KCNK12: variants seen among roughly 807,000 people sequenced by gnomAD.
KCNK12 encodes the protein potassium channel subfamily K member 12.
In KCNK12, 6 loss-of-function variants were observed where a neutral mutation model predicts 25.3. The ratio of observed to expected loss-of-function variants is 0.24; its 90% CI spans 0.13 to 0.47. The LOEUF (loss-of-function observed/expected upper bound fraction) is 0.47, where lower values mean the gene tolerates loss of function less well. Ranked by LOEUF, KCNK12 falls within the 20% of genes least tolerant of loss-of-function variation. The pLI is 0.99. For missense variants in KCNK12, 444 were observed against 661.7 expected (o/e 0.67, Z 3.61); for synonymous variants, 331 against 311.1 (o/e 1.06, Z -0.67).
chr2:47,516,062 G>C lies in KCNK12; in HGVS notation c.*4845C>G, dbSNP rs1668516959. ...GATGGTATCATCATCCCACTTTAGA[G>C]ATGAGGAAACAGGATCAGAGTGAGC... On this transcript the variant is annotated 3_prime_UTR_variant, in exon 2 of 2. Coordinates refer to ENST00000327876, the MANE Select transcript of KCNK12 (RefSeq NM_022055.2). 1.3e-5 allele frequency among the ~76,000 whole-genome samples: 2 copies of C among 152,186 alleles called. No individual in the cohort carries two copies. Among genetic ancestry groups the C allele is most frequent in the Non-Finnish European group, 2.9e-5 (2 of 68,038 alleles).
intron 1 of KCNK12, chr2:47,543,871 C>A (rs996049318): frequency 2.6e-5 from 4 of 152,212 alleles, no homozygotes; most frequent in African/African-American, 9.7e-5. Flanking sequence ...GAGACATCGC[C>A]CACCCAGCTT....
chr2:47,557,242 GTCA>G lies in KCNK12; in HGVS notation c.391+12696_391+12698del, dbSNP rs1669568871. The stretch of plus-strand genomic sequence containing the variant: ...GTTCTGTTCTCATGAATGGATTAAT[GTCA>G]TCATCACTGGAGTGGGTTGGTTATT... On this transcript the variant is annotated intron_variant, in intron 1 of 1. Coordinates refer to ENST00000327876, the MANE Select transcript of KCNK12 (RefSeq NM_022055.2). This position sits in a 1 kb window ranked among gnomAD's most constrained non-coding sequence, Gnocchi z 4.9. Among the ~76,000 whole-genome samples, 1 of 152,294 alleles carries G rather than the reference GTCA, an allele frequency of 6.6e-6. No individual in the cohort carries two copies. The highest frequency in any genetic ancestry group is 1.9e-4 in the East Asian group (1 of 5,182).
rs1199953415 is a variant in KCNK12, at chr2:47,560,636, G to A, written c.391+9305C>T. Among the ~76,000 whole-genome samples, 2 of 152,208 alleles carry A rather than the reference G, an allele frequency of 1.3e-5. No homozygotes were observed. Among genetic ancestry groups the A allele is most frequent in the Non-Finnish European group, 2.9e-5 (2 of 68,040 alleles). On this transcript the variant is annotated intron_variant, in intron 1 of 1. Coordinates refer to ENST00000327876, the MANE Select transcript of KCNK12 (RefSeq NM_022055.2). This position sits in a 1 kb window ranked among gnomAD's most constrained non-coding sequence, Gnocchi z 4.7. Reference sequence around the variant, plus strand: ...GCCAAGAAAGTTGCTTAACCTCTCTGAGCCTGTCATCTGTGAAATGGGATA... The same window carrying A: ...GCCAAGAAAGTTGCTTAACCTCTCTAAGCCTGTCATCTGTGAAATGGGATA...
rs114732432 is a variant in KCNK12 at position 47,534,048 on chromosome 2, C to T, written c.392-12240G>A. The stretch of plus-strand genomic sequence containing the variant: ...CATTTGATGACAACAAGATGGGAGG[C>T]GGGGACAGCTGAGGTGGCAGGAGTA... On this transcript the variant is annotated intron_variant, in intron 1 of 1. Transcript: ENST00000327876. 5.7e-3 allele frequency among the ~76,000 whole-genome samples: 868 copies of T among 151,900 alleles called. 11 individuals carry two copies. Among genetic ancestry groups the T allele is most frequent in the African/African-American group, 0.02 (825 of 41,370 alleles).
At chr2:47,537,384 G>C (rs1177811092) in intron 1 of KCNK12, among the ~76,000 whole-genome samples, 1 of 151,366 alleles carries the variant, frequency 6.6e-6, no homozygotes, top group Non-Finnish European at 1.5e-5. Context: ...AGGCTGGAGT[G>C]CACTGGCGCG....
chr2:47,530,990 G>A lies in KCNK12; in HGVS notation c.392-9182C>T, dbSNP rs139129321. Among the ~76,000 whole-genome samples the A allele has an allele frequency of 6.4e-3, 972 of 152,316 alleles. 5 individuals carry two copies. Among genetic ancestry groups the A allele is most frequent in the Middle Eastern group, 0.044 (13 of 294 alleles). On this transcript the variant is annotated intron_variant, in intron 1 of 1. Coordinates refer to ENST00000327876, the MANE Select transcript of KCNK12 (RefSeq NM_022055.2). Reference sequence around the variant, plus strand: ...GTACAAGAGTTTGGAAGAAGGAGAGGTAGGTTGCTTTTGGCAAGAGCAGCA... The same window carrying A: ...GTACAAGAGTTTGGAAGAAGGAGAGATAGGTTGCTTTTGGCAAGAGCAGCA...
In KCNK12 at chr2:47,509,311, T is replaced by A. The variant is rs1668342688; in HGVS notation, c.*11596A>T. On this transcript the variant is annotated 3_prime_UTR_variant, in exon 2 of 2. Coordinates refer to ENST00000327876, the MANE Select transcript of KCNK12 (RefSeq NM_022055.2). ...AACATTGAGCACTGAGTGAAAAAGT[T>A]TTATTGCCAAACAGGAAACCTGATT... Among the ~76,000 whole-genome samples, 1 of 152,200 alleles carries A rather than the reference T, an allele frequency of 6.6e-6. No individual in the cohort carries two copies. The highest frequency in any genetic ancestry group is 6.5e-5 in the Admixed American group (1 of 15,286).
intron 1 of KCNK12, among the ~76,000 whole-genome samples, chr2:47,541,503 G>C (rs1187304177): frequency 6.6e-6 from 1 of 152,188 alleles, no homozygotes; most frequent in Non-Finnish European, 1.5e-5. Flanking sequence ...AAGGCAGGGA[G>C]ATGGTCTCGG....
chr2:47,558,704 A>T (rs919273772), intron 1 of KCNK12, among the ~76,000 whole-genome samples: 1 of 152,222 alleles, frequency 6.6e-6, no homozygotes, highest in African/African-American at 2.4e-5. Context: ...GAGAGGAGTC[A>T]CGCGGAGTGC....
At position 47,548,984 on chromosome 2, in the gene KCNK12, G is replaced by T. The variant is rs1018039016; in HGVS notation, c.391+20957C>A. 4.6e-5 allele frequency among the ~76,000 whole-genome samples: 7 copies of T among 152,204 alleles called. No individual in the cohort carries two copies. The highest frequency in any genetic ancestry group is 8.8e-5 in the Non-Finnish European group (6 of 68,024). ...GAAAAAGGACTCCAGAAATCTACTA[G>T]GGGTCCCTCTTTGTTACTCGCAAAG... On this transcript the variant is annotated intron_variant, in intron 1 of 1. Coordinates refer to ENST00000327876, the MANE Select transcript of KCNK12 (RefSeq NM_022055.2). The surrounding 1 kb of genome is among the most constrained non-coding windows in gnomAD (Gnocchi z 4.4).
rs892994135 is a variant in KCNK12, at chr2:47,570,285, C to T, written c.47G>A (p.Arg16His). Residue 16 changes from arginine (R) to histidine (H), a missense_variant, in exon 1 of 2, where the codon CGC (arginine) becomes CAC (histidine). By Grantham distance (29) the Arg-to-His change is conservative (BLOSUM62 0). Transcript: ENST00000327876. ...PRPPPRRSRR[R>H]LPRPSCCCCC... ...GCAGCAGCAGGAGGGGCGCGGCAGG[C>T]GGCGGCGGCTACGGCGGGGCGGGGG... 1.0e-5 allele frequency: 14 copies of T among 1,368,170 alleles called. No individual in the cohort carries two copies. Among genetic ancestry groups the T allele is most frequent in the South Asian group, 1.6e-5 (1 of 61,340 alleles). 84.8% of individuals were successfully genotyped at this position (1,368,170 alleles called of 1,614,324 possible). A position where few individuals can be genotyped will look rare whatever the true frequency, so the allele number is the denominator to read the frequency against.
In KCNK12 at chr2:47,521,157, A is replaced by G. The variant is rs2104720706; in HGVS notation, c.1043T>C (p.Leu348Pro). 2 of 1,290,908 alleles carry G rather than the reference A, an allele frequency of 1.5e-6. No individual in the cohort carries two copies. Among genetic ancestry groups the G allele is most frequent in the Non-Finnish European group, 2.0e-6 (2 of 1,023,272 alleles). The allele number at this position is 1,290,908 out of a possible 1,614,324, so 80.0% of individuals were successfully genotyped here. Residue 348 changes from leucine (L) to proline (P), a missense_variant, in exon 2 of 2, where the codon CTC (leucine) becomes CCC (proline). Around this residue, in one of 8 missense-constraint regions of KCNK12, gnomAD observed 69 missense variants for 81.7 expected, o/e 0.84. Coordinates refer to ENST00000327876, the MANE Select transcript of KCNK12 (RefSeq NM_022055.2). The part of the protein sequence containing the change: ...GSRLRRRLAA[L>P]GADPAARDSD... Reference sequence around the variant, plus strand: ...GTCGCGGGCCGCGGGGTCGGCACCGAGCGCGGCCAGGCGGCGGCGCAGCCG... The same window carrying G: ...GTCGCGGGCCGCGGGGTCGGCACCGGGCGCGGCCAGGCGGCGGCGCAGCCG...
rs1393883501 is a variant in KCNK12 at position 47,519,678 on chromosome 2, ACCT to A, written c.*1226_*1228del. On this transcript the variant is annotated 3_prime_UTR_variant, in exon 2 of 2. Transcript: ENST00000327876. ...CTTCCATCCACCAGTTTCACCAGCT[ACCT>A]CCCTCCTGCCTTCCTCTGCCTCCAA... 3 of 152,178 alleles carry A rather than the reference ACCT, an allele frequency of 2.0e-5. No individual in the cohort carries two copies. Among genetic ancestry groups the A allele is most frequent in the Non-Finnish European group, 4.4e-5 (3 of 68,056 alleles). 9.4% of individuals were successfully genotyped at this position (152,178 alleles called of 1,614,324 possible). A position where few individuals can be genotyped will look rare whatever the true frequency, so the allele number is the denominator to read the frequency against.
At chr2:47,553,644 G>A (rs1669487210) in intron 1 of KCNK12, among the ~76,000 whole-genome samples, 1 of 152,218 alleles carries the variant, frequency 6.6e-6, no homozygotes, top group Non-Finnish European at 1.5e-5. Context: ...TAAAGTGCCA[G>A]AATCTTCTTC....
At chr2:47,559,173 G>A (rs1307344980) in intron 1 of KCNK12, among the ~76,000 whole-genome samples, 1 of 152,186 alleles carries the variant, frequency 6.6e-6, no homozygotes, top group Non-Finnish European at 1.5e-5. Context: ...TCAGGATAAG[G>A]ACCCAGCTGA....
intron 1 of KCNK12, among the ~76,000 whole-genome samples, chr2:47,522,970 C>T (rs1285092664): frequency 6.6e-6 from 1 of 152,174 alleles, no homozygotes; most frequent in Non-Finnish European, 1.5e-5. Context: ...CCAACTCTGC[C>T]TACTAACTAA....
At chr2:47,537,669 T>C (rs1004055495) in intron 1 of KCNK12, among the ~76,000 whole-genome samples, 4 of 152,208 alleles carry the variant, frequency 2.6e-5, no homozygotes, top group Non-Finnish European at 2.9e-5. Flanking sequence ...CTTTTATAAA[T>C]ATTTCACATT....
intron 1 of KCNK12, among the ~76,000 whole-genome samples, chr2:47,554,670 C>T (rs974837583): frequency 2.0e-5 from 3 of 152,162 alleles, no homozygotes; most frequent in Non-Finnish European, 4.4e-5. Flanking sequence ...AACAGGAAGT[C>T]ACTGAAGGAT....
At chr2:47,521,858 T>C in intron 1 of KCNK12, 50 bp from the exon 2 acceptor site, 2 of 993,080 alleles carry the variant, frequency 2.0e-6, no homozygotes, top group Non-Finnish European at 2.7e-6. Flanking sequence ...CAGGTGGTCC[T>C]CACTGGGCGA....
Sources: gnomAD v4.1 joint callset for allele counts (sites outside exome capture counted in the v4.1 genomes callset) on GRCh38, gnomAD v4.1.1 for gene constraint, gnomAD v4.1.1 regional missense constraint, Gnocchi (gnomAD v3.1) non-coding constraint, MANE v1.5 for transcripts, NCBI Gene and HGNC (gene_info 2026-07-23, HGNC 2026-07-21) for gene names.